Variants in YBEY observed in about 807,000 individuals in gnomAD.
YBEY encodes the protein endoribonuclease YbeY.
In YBEY, 15 loss-of-function variants were observed where a neutral mutation model predicts 13.5. The observed-to-expected ratio is 1.11, with a 90% CI of 0.75 to 1.72. The LOEUF is 1.72. YBEY is among the 40% of genes most tolerant of loss of function. The probability of loss-of-function intolerance (pLI) is 0.00; values close to 1 mark genes in which losing one functional copy is unlikely to be tolerated. For synonymous variants in YBEY, 101 were observed against 83.1 expected (o/e 1.21, Z -1.17); for missense variants, 244 against 208.4 (o/e 1.17, Z -1.05).
At chr21:46,308,409 C>T in the YBEY span, among the ~76,000 whole-genome samples, 1 of 151,842 alleles carries the variant, frequency 6.6e-6, no homozygotes, top group Non-Finnish European at 1.5e-5. Flanking sequence ...CGCGGTGAGC[C>T]GGGATCACGA....
chr21:46,297,314 C>G (rs577953044), intron 4 of YBEY, among the ~76,000 whole-genome samples: 3 of 151,476 alleles, frequency 2.0e-5, no homozygotes, highest in African/African-American at 7.3e-5. Flanking sequence ...ACTCCCCTCC[C>G]GAGGCCCCGC....
At chr21:46,305,589 C>T in the YBEY span, among the ~76,000 whole-genome samples, 1 of 152,068 alleles carries the variant, frequency 6.6e-6, no homozygotes, top group African/African-American at 2.4e-5. Context: ...ATCAGTCTCC[C>T]AAAGTGCTGG....
intron 3 of YBEY, chr21:46,291,858 C>T: frequency 9.5e-7 from 1 of 1,047,412 alleles, no homozygotes; most frequent in Admixed American, 5.4e-5. Flanking sequence ...GTTCTTCCTG[C>T]CCACTGCACA....
downstream of YBEY, chr21:46,302,124 G>T (rs373462670): frequency 6.6e-7 from 1 of 1,521,674 alleles, no homozygotes; most frequent in Admixed American, 2.1e-5. Flanking sequence ...CTGGCAGCTC[G>T]TGGGACCCTC....
At chr21:46,297,765 A>G (rs2082001147), downstream of YBEY, 2 of 1,240,204 alleles carry the variant, frequency 1.6e-6, no homozygotes, top group African/African-American at 1.5e-5. Flanking sequence ...TGCATCGGGT[A>G]TTTTTCGTTA....
chr21:46,306,173 C>CT, the YBEY span, among the ~76,000 whole-genome samples: 1 of 151,788 alleles, frequency 6.6e-6, no homozygotes, highest in Non-Finnish European at 1.5e-5. Flanking sequence ...GATAAAATGA[C>CT]TGTCAATCTA....
chr21:46,298,276 G>A (rs1477003908), downstream of YBEY, among the ~76,000 whole-genome samples: 8 of 152,236 alleles, frequency 5.3e-5, no homozygotes, highest in Admixed American at 5.2e-4. Flanking sequence ...GTCTTAGCCT[G>A]GACTTGTCCC....
Position 46,287,135 on chromosome 21 carries a change from AT to A in YBEY, c.210+13del, listed in dbSNP as rs770135220. Reference sequence around the variant, plus strand: ...TTCCATTTCATGAGGTAAAAAAAAAATGTTCCTCTTCTTGTCTAGCCCATCT... The same window carrying A: ...TTCCATTTCATGAGGTAAAAAAAAAAGTTCCTCTTCTTGTCTAGCCCATCT... On this transcript the variant is annotated intron_variant, in intron 2 of 4. Transcript: ENST00000397701. 1.9e-4 allele frequency: 307 copies of A among 1,582,984 alleles called. 1 individual carries two copies. Among genetic ancestry groups the A allele is most frequent in the Admixed American group, 2.4e-4 (13 of 53,314 alleles).
chr21:46,291,988 A>G, intron 3 of YBEY: 6 of 386,544 alleles, frequency 1.6e-5, no homozygotes, highest in Non-Finnish European at 2.1e-5. Flanking sequence ...CTCAGAGGCT[A>G]CAGTTTCTAC....
intron 3 of YBEY, chr21:46,291,876 C>A: frequency 9.8e-7 from 1 of 1,017,796 alleles, no homozygotes; most frequent in Non-Finnish European, 1.2e-6. Context: ...ACAGACAAAA[C>A]CAATTCACTG....
the YBEY span, among the ~76,000 whole-genome samples, chr21:46,303,739 ATATATATTTTTTTTTTTTTT>A: frequency 3.5e-5 from 1 of 28,206 alleles, no homozygotes; most frequent in East Asian, 5.9e-4. Context: ...ATATATATAT[ATATATATTTTTTTTTTTTTT>A]TTTTTTTTTG....
At chr21:46,291,594 C>A in intron 3 of YBEY, 132 bp downstream of exon 3, 1 of 1,494,254 alleles carries the variant, frequency 6.7e-7, no homozygotes, top group South Asian at 1.4e-5. Flanking sequence ...AACCTGTAAG[C>A]AGGGTGTGAG....
the YBEY span, among the ~76,000 whole-genome samples, chr21:46,308,642 C>T: frequency 6.6e-6 from 1 of 151,826 alleles, no homozygotes; most frequent in Non-Finnish European, 1.5e-5. Context: ...ACTTAATCCT[C>T]AATGTGGCAG....
At chr21:46,303,706 A>T in the YBEY span, among the ~76,000 whole-genome samples, 3 of 25,744 alleles carry the variant, frequency 1.2e-4, no homozygotes, top group East Asian at 2.6e-3. Context: ...ACACACACAC[A>T]AAATATATAT....
downstream of YBEY, chr21:46,302,267 C>A (rs1230598822): frequency 3.5e-6 from 5 of 1,424,546 alleles, no homozygotes; most frequent in Non-Finnish European, 4.6e-6. Flanking sequence ...ATGGCAGGGT[C>A]TAAGCATCCT....
downstream of YBEY, among the ~76,000 whole-genome samples, chr21:46,298,645 G>A (rs191342673): frequency 2.2e-4 from 34 of 151,756 alleles, 1 homozygote; most frequent in African/African-American, 5.3e-4. Context: ...TAGCCAGGAT[G>A]GTCTCCATCT....
downstream of YBEY, chr21:46,300,707 C>T: frequency 7.8e-7 from 1 of 1,286,002 alleles, no homozygotes; most frequent in Non-Finnish European, 1.0e-6. Flanking sequence ...CTCTGGTCAT[C>T]CTGTCTCCTA....
rs929833587 is a variant in YBEY, at chr21:46,297,690, G to A, written c.*56G>A. The A allele has an allele frequency of 5.5e-6, 7 of 1,271,516 alleles. No individual in the cohort carries two copies. Among genetic ancestry groups the A allele is most frequent in the Non-Finnish European group, 7.0e-6 (7 of 998,358 alleles). The allele number at this position is 1,271,516 out of a possible 1,614,324, so 78.8% of individuals were successfully genotyped here. ...GGAGGGGTGGAGGCTGCGGGGAGCCGGGGTCGCACACGAATAAATAACGAA... is the reference window on the plus strand; with the variant it reads ...GGAGGGGTGGAGGCTGCGGGGAGCCAGGGTCGCACACGAATAAATAACGAA... On this transcript the variant is annotated 3_prime_UTR_variant, in exon 5 of 5. Transcript: ENST00000397701.
chr21:46,297,535 C>G lies in YBEY; in HGVS notation c.409-4C>G, dbSNP rs1007343271. 8.9e-5 allele frequency: 123 copies of G among 1,385,692 alleles called. No individual in the cohort carries two copies. Among genetic ancestry groups the G allele is most frequent in the Non-Finnish European group, 1.2e-4 (123 of 1,058,138 alleles). The allele number at this position is 1,385,692 out of a possible 1,614,324, so 85.8% of individuals were successfully genotyped here. ...GGAGGGCCAGCGCGCTTCCTTCCTT[C>G]CAGATGTTCCAGAAGGAGAAGGCGG... On this transcript the variant is annotated splice_region_variant and splice_polypyrimidine_tract_variant and intron_variant, in intron 4 of 4. Transcript: ENST00000397701.
Sources: gnomAD v4.1 joint callset for allele counts (sites outside exome capture counted in the v4.1 genomes callset) on GRCh38, gnomAD v4.1.1 for gene constraint, MANE v1.5 for transcripts, NCBI Gene and HGNC (gene_info 2026-07-23, HGNC 2026-07-21) for gene names.